CCDC14: variants seen among roughly 807,000 people sequenced by gnomAD.
The protein encoded by CCDC14 is coiled-coil domain containing 14.
In CCDC14, 71 loss-of-function variants were observed where a neutral mutation model predicts 81.4. That is an observed-to-expected ratio of 0.87 (90% confidence interval 0.72 to 1.06). The LOEUF (loss-of-function observed/expected upper bound fraction) is 1.06, where lower values mean the gene tolerates loss of function less well. Ranked by LOEUF, CCDC14 falls within the 50% of genes least tolerant of loss-of-function variation. The probability of loss-of-function intolerance (pLI) is 0.00; values close to 1 mark genes in which losing one functional copy is unlikely to be tolerated. For synonymous variants in CCDC14, 332 were observed against 364.8 expected (o/e 0.91, Z 1.03); for missense variants, 1,046 against 1,047.3 (o/e 1.00, Z 0.02).
intron 12 of CCDC14, among the ~76,000 whole-genome samples, chr3:123,920,021 AAAT>A (rs2034949313): frequency 6.6e-6 from 1 of 152,238 alleles, no homozygotes; most frequent in South Asian, 2.1e-4. Flanking sequence ...GAAATTTGGA[AAAT>A]AATTAACAAA....
chr3:123,947,323 A>T lies in CCDC14; in HGVS notation c.685-4T>A. On this transcript the variant is annotated splice_region_variant and splice_polypyrimidine_tract_variant and intron_variant, in intron 7 of 12. Coordinates refer to ENST00000409697, the MANE Select transcript of CCDC14 (RefSeq NM_001366335.1). ...TGTTGCCATCAGTTTGAACTTCCTA[A>T]AGAAAGATAAAAACAAGTCTTCAGA... 1.3e-6 allele frequency: 2 copies of T among 1,595,336 alleles called. No homozygotes were observed. Among genetic ancestry groups the T allele is most frequent in the Non-Finnish European group, 1.7e-6 (2 of 1,170,346 alleles).
chr3:123,956,715 GT>G, intron 2 of CCDC14, 24 bp downstream of exon 2: 6 of 1,534,176 alleles, frequency 3.9e-6, no homozygotes, highest in Non-Finnish European at 5.3e-6. Flanking sequence ...GAAATCTGAA[GT>G]TGTAAACGTC....
chr3:123,922,094 G>A (rs1302293698), intron 12 of CCDC14, among the ~76,000 whole-genome samples: 3 of 152,152 alleles, frequency 2.0e-5, no homozygotes, highest in Admixed American at 1.3e-4. Flanking sequence ...ATTCACAAAC[G>A]TGGAAATTAA....
chr3:123,914,019 C>T lies in CCDC14; in HGVS notation c.*760G>A. The stretch of plus-strand genomic sequence containing the variant: ...CAATCAATGCCAAGATTTACAAATT[C>T]CATCATGTTTAAATATAAGGACAAA... On this transcript the variant is annotated 3_prime_UTR_variant, in exon 13 of 13. Coordinates refer to ENST00000409697, the MANE Select transcript of CCDC14 (RefSeq NM_001366335.1). 3 of 985,302 alleles carry T rather than the reference C, an allele frequency of 3.0e-6. No individual in the cohort carries two copies. The highest frequency in any genetic ancestry group is 3.6e-6 in the Non-Finnish European group (3 of 829,554). 61.0% of individuals were successfully genotyped at this position (985,302 alleles called of 1,614,324 possible). A position where few individuals can be genotyped will look rare whatever the true frequency, so the allele number is the denominator to read the frequency against.
downstream of CCDC14, among the ~76,000 whole-genome samples, chr3:123,895,916 T>C (rs1035392298): frequency 1.3e-5 from 2 of 152,168 alleles, no homozygotes; most frequent in Non-Finnish European, 2.9e-5. Flanking sequence ...TCCACTTCTG[T>C]GTATATATTC....
chr3:123,943,597 G>A (rs1489390169), intron 9 of CCDC14, among the ~76,000 whole-genome samples: 1 of 152,148 alleles, frequency 6.6e-6, no homozygotes, highest in Non-Finnish European at 1.5e-5. Context: ...TCCCCAGAGA[G>A]GTCAAACAGA....
chr3:123,932,038 G>A (rs1289943053), intron 10 of CCDC14, among the ~76,000 whole-genome samples: 2 of 151,942 alleles, frequency 1.3e-5, no homozygotes, highest in South Asian at 2.1e-4. Context: ...GATCTATCAC[G>A]TTCTTTTTCA....
intron 5 of CCDC14, among the ~76,000 whole-genome samples, chr3:123,901,946 T>G (rs2034187328): frequency 6.6e-6 from 1 of 151,778 alleles, no homozygotes; most frequent in African/African-American, 2.4e-5. Context: ...GAAATAAAAA[T>G]AAAAGTAACA....
At chr3:123,923,273 T>A (rs539396523) in intron 12 of CCDC14, among the ~76,000 whole-genome samples, 2 of 152,118 alleles carry the variant, frequency 1.3e-5, no homozygotes, top group Admixed American at 6.5e-5. Flanking sequence ...ATAGAAGGAA[T>A]GTACCTTAAC....
downstream of CCDC14, among the ~76,000 whole-genome samples, chr3:123,892,443 G>A (rs530977718): frequency 3.7e-4 from 56 of 152,340 alleles, 2 homozygotes; most frequent in Admixed American, 3.3e-3. Flanking sequence ...CTCCAGGCCT[G>A]TGATAGGAGG....
intron 5 of CCDC14, among the ~76,000 whole-genome samples, chr3:123,903,699 TA>T (rs2148761282): frequency 6.6e-6 from 1 of 152,332 alleles, no homozygotes; most frequent in South Asian, 2.1e-4. Context: ...GCTGGAAAGC[TA>T]AAGACATATT....
In CCDC14 at chr3:123,941,250, G is replaced by T. The variant is rs547014888; in HGVS notation, c.1343+3599C>A. ...TGGTTGGGGACCAGGAAGGCTAAAT[G>T]CTGAATAACTATATCAGAAGACACA... On this transcript the variant is annotated intron_variant, in intron 9 of 12. Transcript: ENST00000409697. 3.3e-5 allele frequency among the ~76,000 whole-genome samples: 5 copies of T among 152,040 alleles called. No individual in the cohort carries two copies. In the South Asian group the frequency reaches 8.3e-4, roughly 25 times the overall value.
intron 5 of CCDC14, chr3:123,952,824 T>A: frequency 4.4e-6 from 1 of 229,202 alleles, no homozygotes; most frequent in Non-Finnish European, 1.0e-5. Context: ...AGTTATGAGC[T>A]TGGATTTTGT....
downstream of CCDC14, among the ~76,000 whole-genome samples, chr3:123,912,874 C>G (rs2148771514): frequency 6.6e-6 from 1 of 152,246 alleles, no homozygotes; most frequent in Middle Eastern, 3.4e-3. Flanking sequence ...ATTACCACCC[C>G]CTCCCCACCT....
chr3:123,951,177 A>G (rs2036997752), intron 5 of CCDC14, among the ~76,000 whole-genome samples: 1 of 152,170 alleles, frequency 6.6e-6, no homozygotes, highest in Non-Finnish European at 1.5e-5. Context: ...TGCCTATTTT[A>G]TAAGATTATT....
At chr3:123,927,799 A>G (rs1160936648) in intron 12 of CCDC14, among the ~76,000 whole-genome samples, 1 of 149,410 alleles carries the variant, frequency 6.7e-6, no homozygotes, top group African/African-American at 2.5e-5. Context: ...AATGTTAAGG[A>G]AAAAAAAAAG....
intron 12 of CCDC14, among the ~76,000 whole-genome samples, chr3:123,919,794 C>CATAACACT (rs1430342663): frequency 6.6e-6 from 1 of 152,116 alleles, no homozygotes; most frequent in East Asian, 1.9e-4. Context: ...TGGGGTAGGG[C>CATAACACT]ATAACACTTG....
chr3:123,908,376 G>A (rs907269318), intron 5 of CCDC14, among the ~76,000 whole-genome samples: 1 of 152,142 alleles, frequency 6.6e-6, no homozygotes, highest in Non-Finnish European at 1.5e-5. Flanking sequence ...TAAATGCTCA[G>A]TATGTAGTAC....
At chr3:123,897,965 C>T (rs2034102870) in intron 5 of CCDC14, among the ~76,000 whole-genome samples, 1 of 152,162 alleles carries the variant, frequency 6.6e-6, no homozygotes, top group Non-Finnish European at 1.5e-5. Flanking sequence ...TATACAAAGC[C>T]TATAAACTCA....
Sources: gnomAD v4.1 joint callset for allele counts (sites outside exome capture counted in the v4.1 genomes callset) on GRCh38, gnomAD v4.1.1 for gene constraint, MANE v1.5 for transcripts, NCBI Gene and HGNC (gene_info 2026-07-23, HGNC 2026-07-21) for gene names.